The following ADAMTS3 variants were observed in gnomAD, a reference collection of about 807,000 sequenced individuals.
The protein encoded by ADAMTS3 is ADAM metallopeptidase with thrombospondin type 1 motif 3, also known as A disintegrin and metalloproteinase with thrombospondin motifs 3.
In ADAMTS3, 73 loss-of-function variants were observed where a neutral mutation model predicts 129.0. That is an observed-to-expected ratio of 0.57 (90% CI 0.47 to 0.69). The LOEUF is 0.69. Ranked by LOEUF, ADAMTS3 falls within the 30% of genes least tolerant of loss-of-function variation. ADAMTS3 has a pLI of 0.00. For synonymous variants in ADAMTS3, 477 were observed against 510.8 expected, an observed-to-expected ratio of 0.93 and a Z score of 0.89; for missense variants, 1,457 against 1,514.5, an observed-to-expected ratio of 0.96 and a Z score of 0.63.
Position 72,451,324 on chromosome 4 carries a change from A to T in ADAMTS3, c.505-36353T>A, listed in dbSNP as rs527508225. Reference sequence around the variant, plus strand: ...TCAGAACAAATGTCAGGGGAAAAAAAGTTGATAATGAGAAAAGAATGACAC... The same window carrying T: ...TCAGAACAAATGTCAGGGGAAAAAATGTTGATAATGAGAAAAGAATGACAC... On this transcript the variant is annotated intron_variant, in intron 3 of 21. Coordinates refer to ENST00000286657, the MANE Select transcript of ADAMTS3 (RefSeq NM_014243.3). Among the ~76,000 whole-genome samples, 26 of 151,918 alleles carry T rather than the reference A, an allele frequency of 1.7e-4. No homozygotes were observed. In the South Asian group the frequency reaches 5.0e-3, roughly 29 times the overall value.
chr4:72,314,965 C>A (rs1421097048), intron 11 of ADAMTS3, among the ~76,000 whole-genome samples: 1 of 152,170 alleles, frequency 6.6e-6, no homozygotes, highest in Non-Finnish European at 1.5e-5. Context: ...TCTTAACATG[C>A]CTTTGTTTTG....
At chr4:72,548,338 C>CT in intron 3 of ADAMTS3, 140 bp downstream of exon 3, 1 of 864,994 alleles carries the variant, frequency 1.2e-6, no homozygotes, top group Non-Finnish European at 1.7e-6. Context: ...CAGCAAAATG[C>CT]TTTCTAGTGT....
intron 20 of ADAMTS3, among the ~76,000 whole-genome samples, chr4:72,290,061 T>C (rs1718616223): frequency 6.6e-6 from 1 of 152,286 alleles, no homozygotes; most frequent in South Asian, 2.1e-4. Context: ...CCAAGATTTC[T>C]TATTTTGAGT....
chr4:72,433,694 T>G (rs1341363895), intron 3 of ADAMTS3, among the ~76,000 whole-genome samples: 1 of 151,906 alleles, frequency 6.6e-6, no homozygotes, highest in African/African-American at 2.4e-5. Flanking sequence ...TACCAAAATA[T>G]GTCTCTTAAT....
At chr4:72,521,733 C>T (rs1275797364) in intron 3 of ADAMTS3, among the ~76,000 whole-genome samples, 2 of 152,052 alleles carry the variant, frequency 1.3e-5, no homozygotes, top group Non-Finnish European at 2.9e-5. Flanking sequence ...CAATAATAAC[C>T]TCTAATTTAA....
chr4:72,472,665 A>C (rs2128068), intron 3 of ADAMTS3, among the ~76,000 whole-genome samples: 148,126 of 152,216 alleles, frequency 0.97, 72,224 homozygotes, highest in East Asian at 1. Flanking sequence ...TGCAGTTCTG[A>C]AGAACCCCCA....
intron 3 of ADAMTS3, among the ~76,000 whole-genome samples, chr4:72,477,313 T>C (rs1578716666): frequency 6.6e-6 from 1 of 152,056 alleles, no homozygotes; most frequent in Non-Finnish European, 1.5e-5. Context: ...TCAGCAAATG[T>C]AAAAGAACAG....
chr4:72,345,395 C>T (rs1387804850), intron 4 of ADAMTS3, among the ~76,000 whole-genome samples: 1 of 152,034 alleles, frequency 6.6e-6, no homozygotes, highest in East Asian at 1.9e-4. Context: ...TTGTATCATC[C>T]AATAGTGATT....
chr4:72,325,410 T>C (rs1445907023), intron 5 of ADAMTS3, among the ~76,000 whole-genome samples: 1 of 152,040 alleles, frequency 6.6e-6, no homozygotes, highest in Non-Finnish European at 1.5e-5. Flanking sequence ...AACTTTATAG[T>C]TGCAATAAAA....
intron 4 of ADAMTS3, among the ~76,000 whole-genome samples, chr4:72,343,195 C>T (rs1056344165): frequency 6.6e-6 from 1 of 152,136 alleles, no homozygotes; most frequent in African/African-American, 2.4e-5. Context: ...GGGCTTTCCA[C>T]CTGGCCAGTG....
At chr4:72,538,720 A>C (rs1296897195) in intron 3 of ADAMTS3, among the ~76,000 whole-genome samples, 2 of 152,206 alleles carry the variant, frequency 1.3e-5, no homozygotes, top group African/African-American at 4.8e-5. Flanking sequence ...TGAGAAAAAA[A>C]GAAGCATAAA....
At chr4:72,457,919 G>T (rs770488821) in intron 3 of ADAMTS3, among the ~76,000 whole-genome samples, 4 of 151,572 alleles carry the variant, frequency 2.6e-5, no homozygotes, top group Non-Finnish European at 5.9e-5. Context: ...AAGGCAGGTT[G>T]CTGTGACTCA....
intron 21 of ADAMTS3, 120 bp downstream of exon 21, chr4:72,288,631 T>A (rs1425341953): frequency 1.4e-6 from 1 of 691,364 alleles, no homozygotes; most frequent in Non-Finnish European, 2.6e-6. Flanking sequence ...TTCACAGGTG[T>A]TTTCCTTTGG....
Position 72,449,190 on chromosome 4 carries a change from G to A in ADAMTS3, c.505-34219C>T, listed in dbSNP as rs75175216. Among the ~76,000 whole-genome samples the A allele has an allele frequency of 9.3e-3, 1,401 of 151,446 alleles. 27 individuals are homozygous for A. The highest frequency in any genetic ancestry group is 0.032 in the African/African-American group (1,322 of 41,366). On this transcript the variant is annotated intron_variant, in intron 3 of 21. Coordinates refer to ENST00000286657, the MANE Select transcript of ADAMTS3 (RefSeq NM_014243.3). ...TTTACTTTACTTAAGTGTTCCCACC[G>A]AGTCCCATGGTTGTAAAGAGCATCT...
In ADAMTS3 at chr4:72,283,244, A is replaced by C. The variant is rs1471956583; in HGVS notation, c.3510T>G (p.Phe1170Leu). The C allele has an allele frequency of 2.5e-6, 4 of 1,613,894 alleles. No individual in the cohort carries two copies. The African/African-American group carries it at 5.3e-5, about 22-fold the overall frequency. Residue 1170 changes from phenylalanine (F) to leucine (L), a missense_variant, in exon 22 of 22, where the codon TTT becomes TTG. Physicochemically the swap from Phe to Leu is conservative, Grantham distance 22 (BLOSUM62 0). Coordinates refer to ENST00000286657, the MANE Select transcript of ADAMTS3 (RefSeq NM_014243.3). ...SASQMAAASF[F>L]AASDSIGASS... The stretch of plus-strand genomic sequence containing the variant: ...AAGCACCTATTGAATCACTGGCTGC[A>C]AAGAAGGAAGCAGCAGCCATTTGTG...
At chr4:72,543,168 T>C (rs1721377541) in intron 3 of ADAMTS3, among the ~76,000 whole-genome samples, 1 of 152,232 alleles carries the variant, frequency 6.6e-6, no homozygotes. Flanking sequence ...ATCACATGTC[T>C]GAACAGGTTC....
chr4:72,320,075 G>T, intron 7 of ADAMTS3, 112 bp from the exon 8 acceptor site: 1 of 786,364 alleles, frequency 1.3e-6, no homozygotes, highest in Non-Finnish European at 2.1e-6. Context: ...GGAAACAGGG[G>T]TAGCATTATT....
chr4:72,284,158 AC>A (rs1414012691), intron 21 of ADAMTS3, among the ~76,000 whole-genome samples: 3 of 152,232 alleles, frequency 2.0e-5, no homozygotes, highest in African/African-American at 7.2e-5. Context: ...ACTTGTAAAA[AC>A]AAAACAAATC....
intron 5 of ADAMTS3, among the ~76,000 whole-genome samples, chr4:72,326,344 A>T (rs1216963691): frequency 6.6e-6 from 1 of 152,102 alleles, no homozygotes; most frequent in Non-Finnish European, 1.5e-5. Context: ...TCACTTCCAA[A>T]ATATACTTAA....
Sources: gnomAD v4.1 joint callset for allele counts (sites outside exome capture counted in the v4.1 genomes callset) on GRCh38, gnomAD v4.1.1 for gene constraint, MANE v1.5 for transcripts, NCBI Gene and HGNC (gene_info 2026-07-23, HGNC 2026-07-21) for gene names.